VRTN: variants seen among roughly 807,000 people sequenced by gnomAD.
The protein encoded by VRTN is vertebrae development associated.
Under a neutral mutation model 18.2 loss-of-function variants are expected in VRTN, and 5 were observed. That is an observed-to-expected ratio of 0.27 (90% CI 0.14 to 0.58). The LOEUF (loss-of-function observed/expected upper bound fraction) is 0.58, where lower values mean the gene tolerates loss of function less well. Among genes scored for constraint, VRTN ranks in the 20% least tolerant of loss-of-function variants. The probability of loss-of-function intolerance (pLI) is 0.91; values close to 1 mark genes in which losing one functional copy is unlikely to be tolerated. For missense variants in VRTN, 741 were observed against 939.4 expected, an observed-to-expected ratio of 0.79 and a Z score of 2.76; for synonymous variants, 381 against 393.7, an observed-to-expected ratio of 0.97 and a Z score of 0.38.
At chr14:74,330,604 G>A (rs1253381539) in intron 1 of VRTN, among the ~76,000 whole-genome samples, 1 of 151,772 alleles carries the variant, frequency 6.6e-6, no homozygotes, top group Non-Finnish European at 1.5e-5. Context: ...ACCACGCCCG[G>A]CTAATTTTGT....
At position 74,340,253 on chromosome 14, in the gene VRTN, T is replaced by C. The variant is rs145895142; in HGVS notation, c.-2+2369T>C. Among the ~76,000 whole-genome samples, 536 of 152,130 alleles carry C rather than the reference T, an allele frequency of 3.5e-3. 5 individuals are homozygous for C. Among genetic ancestry groups the C allele is most frequent in the East Asian group, 0.029 (148 of 5,162 alleles). On this transcript the variant is annotated intron_variant, in intron 2 of 2. Coordinates refer to the VRTN transcript ENST00000557177. ...TCAGCCTCCCTAGTAGCTGGGATTA[T>C]AGGCATGTGCCACCACGCCCGGCTA...
chr14:74,352,686 T>C (rs2085694275), intron 1 of VRTN, among the ~76,000 whole-genome samples: 1 of 152,160 alleles, frequency 6.6e-6, no homozygotes, highest in South Asian at 2.1e-4. Flanking sequence ...GTGCTGGGAT[T>C]ATAGGCGTGT....
intron 1 of VRTN, among the ~76,000 whole-genome samples, chr14:74,313,992 C>T (rs546950646): frequency 1.8e-4 from 28 of 152,160 alleles, no homozygotes; most frequent in African/African-American, 5.1e-4. Context: ...AAAGGACTCC[C>T]CAACCATAGA....
rs67822776 is a variant in VRTN at position 74,303,843 on chromosome 14, A to ATTTTTTTTTTTTTTT, written c.-164+678_-164+692dup. 3.4e-4 allele frequency among the ~76,000 whole-genome samples: 30 copies of ATTTTTTTTTTTTTTT among 88,500 alleles called. 1 individual carries two copies. Among genetic ancestry groups the ATTTTTTTTTTTTTTT allele is most frequent in the African/African-American group, 1.5e-3 (29 of 19,344 alleles). 58.1% of individuals were successfully genotyped at this position (88,500 alleles called of 152,430 possible). A position where few individuals can be genotyped will look rare whatever the true frequency, so the allele number is the denominator to read the frequency against. ...TAGGTCAATCAGTTGACAATTACAG[A>ATTTTTTTTTTTTTTT]TTTTTTTTTTTTTTTTTTTTTTTTT... On this transcript the variant is annotated intron_variant, in intron 1 of 2. Coordinates refer to the VRTN transcript ENST00000557177.
At chr14:74,323,582 T>TAA (rs753171321) in intron 1 of VRTN, among the ~76,000 whole-genome samples, 1 of 140,538 alleles carries the variant, frequency 7.1e-6, no homozygotes. Flanking sequence ...AAATTCCATC[T>TAA]AAAAAAAAAA....
At chr14:74,341,282 C>T (rs2085604127) in intron 2 of VRTN, among the ~76,000 whole-genome samples, 1 of 152,162 alleles carries the variant, frequency 6.6e-6, no homozygotes, top group African/African-American at 2.4e-5. Context: ...GCAATTAGAT[C>T]TGGGGAGGCC....
At chr14:74,311,417 A>ATTT (rs397966191) in intron 1 of VRTN, among the ~76,000 whole-genome samples, 37 of 139,364 alleles carry the variant, frequency 2.7e-4, no homozygotes, top group African/African-American at 3.9e-4. Context: ...TGCAGCTTGC[A>ATTT]TTTTTTTTTT....
chr14:74,339,277 C>T (rs1595170833), intron 2 of VRTN, among the ~76,000 whole-genome samples: 1 of 152,106 alleles, frequency 6.6e-6, no homozygotes, highest in African/African-American at 2.4e-5. Flanking sequence ...CGCCCCATTT[C>T]ACAGATGAGG....
At chr14:74,340,350 G>C (rs2140206304) in intron 2 of VRTN, among the ~76,000 whole-genome samples, 1 of 152,234 alleles carries the variant, frequency 6.6e-6, no homozygotes, top group East Asian at 1.9e-4. Flanking sequence ...GACCTCAGGT[G>C]ATCCACCCAC....
chr14:74,307,874 C>T (rs761816159), intron 1 of VRTN, among the ~76,000 whole-genome samples: 7 of 152,000 alleles, frequency 4.6e-5, no homozygotes, highest in East Asian at 1.9e-4. Flanking sequence ...GGACTACAGG[C>T]GTCCACCAGC....
In VRTN at chr14:74,323,605, A is replaced by C. The variant is rs58773766; in HGVS notation, c.-163-14118A>C. Among the ~76,000 whole-genome samples, 1,110 of 151,884 alleles carry C rather than the reference A, an allele frequency of 7.3e-3. 7 individuals carry two copies. Among genetic ancestry groups the C allele is most frequent in the African/African-American group, 0.022 (908 of 41,474 alleles). On this transcript the variant is annotated intron_variant, in intron 1 of 2. Transcript: ENST00000557177. ...TCTAAAAAAAAAAAACCAAACCAAC[A>C]AACAAACAAAAAAAACCAGTGCAGA...
At chr14:74,316,786 GCCACCATGC>G (rs2085421635) in intron 1 of VRTN, among the ~76,000 whole-genome samples, 2 of 151,646 alleles carry the variant, frequency 1.3e-5, no homozygotes, top group South Asian at 4.2e-4. Context: ...ACAGGCGCCC[GCCACCATGC>G]CCGGCTAATT....
At chr14:74,353,024 C>T (rs2085697041) in intron 1 of VRTN, among the ~76,000 whole-genome samples, 1 of 152,142 alleles carries the variant, frequency 6.6e-6, no homozygotes, top group Non-Finnish European at 1.5e-5. Context: ...GGCATGGTGG[C>T]TCACGCCTGT....
At chr14:74,344,283 C>A (rs1406230241), upstream of VRTN, among the ~76,000 whole-genome samples, 1 of 102,148 alleles carries the variant, frequency 9.8e-6, no homozygotes, top group African/African-American at 3.4e-5. Context: ...TATGGTGGTG[C>A]CCAGCTATGG....
At chr14:74,340,458 C>G (rs951717763) in intron 2 of VRTN, among the ~76,000 whole-genome samples, 1 of 151,536 alleles carries the variant, frequency 6.6e-6, no homozygotes, top group Non-Finnish European at 1.5e-5. Flanking sequence ...ATTGGTCAGG[C>G]TGGTCTTGAA....
intron 1 of VRTN, among the ~76,000 whole-genome samples, chr14:74,307,756 A>T (rs1390794213): frequency 6.6e-6 from 1 of 151,566 alleles, no homozygotes; most frequent in Non-Finnish European, 1.5e-5. Flanking sequence ...TTTGAGATGG[A>T]GTCTCGCTCT....
chr14:74,346,179 T>C (rs1161548791), upstream of VRTN, among the ~76,000 whole-genome samples: 1 of 151,478 alleles, frequency 6.6e-6, no homozygotes, highest in Non-Finnish European at 1.5e-5. Flanking sequence ...GGCGTGTGCC[T>C]GTTGTCCCAG....
chr14:74,315,960 G>A (rs375206217), intron 1 of VRTN, among the ~76,000 whole-genome samples: 16 of 152,308 alleles, frequency 1.1e-4, no homozygotes, highest in African/African-American at 3.6e-4. Context: ...ACCCCAATCA[G>A]TCACTGGGTG....
Position 74,358,378 on chromosome 14 carries a change from G to A in VRTN, c.1595G>A (p.Arg532His), listed in dbSNP as rs751966382. 44 of 1,613,796 alleles carry A rather than the reference G, an allele frequency of 2.7e-5. No homozygotes were observed. In the South Asian group the frequency reaches 4.0e-4, roughly 14 times the overall value. Residue 532 changes from arginine (R) to histidine (H), a missense_variant, in exon 2 of 2, where the codon CGC (arginine) becomes CAC (histidine). By Grantham distance (29) the Arg-to-His change is conservative. Coordinates refer to ENST00000256362, the MANE Select transcript of VRTN (RefSeq NM_018228.3). The surrounding 1 kb of genome is among the most constrained non-coding windows in gnomAD (Gnocchi z 5.4). ...CTCCCTTTCTGCCGCTTCCGCCTCC[G>A]CTACCCCAGCCTGTCACCTTCTGCC... The part of the protein sequence containing the change: ...GHLPFCRFRL[R>H]YPSLSPSAFW...
Sources: gnomAD v4.1 joint callset for allele counts (sites outside exome capture counted in the v4.1 genomes callset) on GRCh38, gnomAD v4.1.1 for gene constraint, Gnocchi (gnomAD v3.1) non-coding constraint, MANE v1.5 for transcripts, NCBI Gene and HGNC (gene_info 2026-07-23, HGNC 2026-07-21) for gene names.